DHX40: variants seen among roughly 807,000 people sequenced by gnomAD.
DHX40 encodes the protein DEAH-box helicase 40.
DHX40 carries 28 observed loss-of-function variants against 89.6 expected under a neutral mutation model. The ratio of observed to expected loss-of-function variants is 0.31; its 90% confidence interval spans 0.23 to 0.43. The LOEUF (loss-of-function observed/expected upper bound fraction) is 0.43. Among genes scored for constraint, DHX40 ranks in the 20% least tolerant of loss-of-function variants. The pLI, the probability that DHX40 is intolerant of heterozygous loss-of-function variation, is 1.00. For synonymous variants in DHX40, 226 were observed against 283.6 expected (o/e 0.80, Z 2.04); for missense variants, 457 against 844.0 (o/e 0.54, Z 5.68).
In DHX40 at chr17:59,587,983, C is replaced by T. The variant is rs2049023254; in HGVS notation, c.1512C>T (p.Ser504=). ...CATGTGCAGTAATAAAAGCTGCTTC[C>T]CTGGATTGTGAAGATCTACTACTTC... is the stretch of plus-strand genomic sequence containing the variant. ...HLTCAVIKAA[S]LDCEDLLLPI... is the part of the protein sequence containing the mutation. The change falls in exon 12 of 18, where the codon TCC becomes TCT. Residue 504 remains serine (S), a synonymous_variant. Transcript: ENST00000251241. 6.2e-7 allele frequency: 1 copy of T among 1,613,638 alleles called. No individual in the cohort carries two copies. Among genetic ancestry groups the T allele is most frequent in the Non-Finnish European group, 8.5e-7 (1 of 1,179,786 alleles).
At chr17:59,577,731 G>A (rs2048905153) in intron 8 of DHX40, among the ~76,000 whole-genome samples, 1 of 152,070 alleles carries the variant, frequency 6.6e-6, no homozygotes, top group Non-Finnish European at 1.5e-5. Flanking sequence ...GGGACCACAG[G>A]CATGTGTCAC....
intron 8 of DHX40, among the ~76,000 whole-genome samples, chr17:59,578,000 T>C (rs976409656): frequency 6.6e-6 from 1 of 152,218 alleles, no homozygotes; most frequent in African/African-American, 2.4e-5. Flanking sequence ...GAAAATTAAC[T>C]ATGATTCAGG....
chr17:59,572,439 C>T (rs1567862098), intron 3 of DHX40, among the ~76,000 whole-genome samples: 3 of 152,154 alleles, frequency 2.0e-5, no homozygotes, highest in Non-Finnish European at 4.4e-5. Context: ...AGTGCAATGG[C>T]GTGATCTCAG....
At chr17:59,567,242 TAAGTA>T (rs1437039323) in intron 2 of DHX40, among the ~76,000 whole-genome samples, 2 of 152,198 alleles carry the variant, frequency 1.3e-5, no homozygotes, top group Admixed American at 1.3e-4. Flanking sequence ...TAAAATACGT[TAAGTA>T]AAGTTAATAG....
At position 59,591,183 on chromosome 17, in the gene DHX40, G is replaced by C. The variant is rs1368289399; in HGVS notation, c.1582+3130G>C. On this transcript the variant is annotated intron_variant, in intron 12 of 17. Coordinates refer to ENST00000251241, the MANE Select transcript of DHX40 (RefSeq NM_024612.5). The stretch of plus-strand genomic sequence containing the variant: ...AATTAGCCAGGCGTGGCGTGCACCT[G>C]TGTTGCCAGCTACTGGGGAGGCTGA... Among the ~76,000 whole-genome samples the C allele has an allele frequency of 1.3e-5, 2 of 151,630 alleles. 1 individual carries two copies. Among genetic ancestry groups the C allele is most frequent in the Non-Finnish European group, 2.9e-5 (2 of 67,852 alleles).
chr17:59,602,470 T>G, intron 14 of DHX40, 52 bp from the exon 15 acceptor site: 1 of 1,440,052 alleles, frequency 6.9e-7, no homozygotes, highest in Non-Finnish European at 9.5e-7. Context: ...AATAAAAGAT[T>G]ATTTCAAATT....
chr17:59,605,875 G>A, intron 17 of DHX40: 1 of 636,124 alleles, frequency 1.6e-6, no homozygotes, highest in Non-Finnish European at 2.9e-6. Flanking sequence ...TGATGCAGGA[G>A]GATCGCTTGA....
At chr17:59,586,938 G>C in intron 11 of DHX40, among the ~76,000 whole-genome samples, 1 of 152,072 alleles carries the variant, frequency 6.6e-6, no homozygotes, top group East Asian at 1.9e-4. Flanking sequence ...CAGATTGCTT[G>C]AGCCCAGTTG....
At chr17:59,587,138 G>A (rs1158175109) in intron 11 of DHX40, among the ~76,000 whole-genome samples, 3 of 150,362 alleles carry the variant, frequency 2.0e-5, no homozygotes, top group East Asian at 1.9e-4. Context: ...CCTGGGAGAC[G>A]GAGCAAGACC....
At chr17:59,603,733 G>C (rs1394851259) in intron 15 of DHX40, 1 of 152,114 alleles carries the variant, frequency 6.6e-6, no homozygotes, top group Non-Finnish European at 1.5e-5. Context: ...AAAGCAAAAA[G>C]TAACTTTACA....
At chr17:59,569,532 AAAAAT>A (rs1175850308) in intron 2 of DHX40, among the ~76,000 whole-genome samples, 1 of 147,104 alleles carries the variant, frequency 6.8e-6, no homozygotes, top group Non-Finnish European at 1.5e-5. Flanking sequence ...TTTTTTACAA[AAAAAT>A]TAGCTGGGCC....
At chr17:59,602,118 C>T (rs2030567059) in intron 14 of DHX40, among the ~76,000 whole-genome samples, 1 of 152,126 alleles carries the variant, frequency 6.6e-6, no homozygotes, top group African/African-American at 2.4e-5. Flanking sequence ...TTGTGCACTT[C>T]TCTTCTCTCC....
chr17:59,586,347 G>A (rs2048996773), intron 11 of DHX40, 114 bp downstream of exon 11: 2 of 945,748 alleles, frequency 2.1e-6, no homozygotes, highest in Non-Finnish European at 1.6e-6. Context: ...TGAATGGATT[G>A]TTAGTCTTTC....
Position 59,565,666 on chromosome 17 carries a change from A to T in DHX40, c.-6A>T. Reference sequence around the variant, plus strand: ...GACGTGCTCGCCTCCACTCGGGGCCAGGTCTATGTCCCGGTTTCCCGCAGT... The same window carrying T: ...GACGTGCTCGCCTCCACTCGGGGCCTGGTCTATGTCCCGGTTTCCCGCAGT... On this transcript the variant is annotated 5_prime_UTR_variant, in exon 1 of 18. Transcript: ENST00000251241. 1 of 1,599,024 alleles carries T rather than the reference A, an allele frequency of 6.3e-7. No individual in the cohort carries two copies. The highest frequency in any genetic ancestry group is 8.5e-7 in the Non-Finnish European group (1 of 1,178,648).
intron 14 of DHX40, among the ~76,000 whole-genome samples, chr17:59,600,698 T>G (rs2030449069): frequency 6.6e-6 from 1 of 151,838 alleles, no homozygotes; most frequent in African/African-American, 2.4e-5. Flanking sequence ...ATTAAAATAA[T>G]TAGCTTGTTG....
In DHX40 at chr17:59,581,722, G is replaced by A. The variant is rs1473350346; in HGVS notation, c.1343+1843G>A. Among the ~76,000 whole-genome samples the A allele has an allele frequency of 1.6e-4, 13 of 78,948 alleles. 1 individual carries two copies. The highest frequency in any genetic ancestry group is 2.8e-4 in the Non-Finnish European group (13 of 46,544). The allele number at this position is 78,948 out of a possible 152,430, so 51.8% of individuals were successfully genotyped here. A position where few individuals can be genotyped will look rare whatever the true frequency, so the allele number is the denominator to read the frequency against. On this transcript the variant is annotated intron_variant, in intron 10 of 17. Transcript: ENST00000251241. ...TGCAGTGAGCCGAGATTGCGCCATC[G>A]CACTCCAGCCTGGGCAACAAGAGCG... is the stretch of plus-strand genomic sequence containing the variant.
At chr17:59,606,895 GA>G in intron 17 of DHX40, 137 bp from the exon 18 acceptor site, 3 of 876,254 alleles carry the variant, frequency 3.4e-6, no homozygotes, top group Non-Finnish European at 5.1e-6. Flanking sequence ...CATTGCTTTT[GA>G]AAGGGCAAAA....
Position 59,607,265 on chromosome 17 carries a change from G to A in DHX40, c.*93G>A, listed in dbSNP as rs2030926792. 1.2e-6 allele frequency: 2 copies of A among 1,612,630 alleles called. No homozygotes were observed. The highest frequency in any genetic ancestry group is 1.7e-5 in the Admixed American group (1 of 59,790). ...ATTTCAGACAGCACTACCAAGAGGAGGTGGTCAGCACTTGTTATTGGCCTA... is the reference window on the plus strand; with the variant it reads ...ATTTCAGACAGCACTACCAAGAGGAAGTGGTCAGCACTTGTTATTGGCCTA... On this transcript the variant is annotated 3_prime_UTR_variant, in exon 18 of 18. Transcript: ENST00000251241.
intron 10 of DHX40, among the ~76,000 whole-genome samples, chr17:59,580,822 C>CT (rs2048936700): frequency 6.6e-6 from 1 of 150,918 alleles, no homozygotes; most frequent in Non-Finnish European, 1.5e-5. Context: ...TGGCTCACGT[C>CT]TGTAATCCTA....
Sources: gnomAD v4.1 joint callset for allele counts (sites outside exome capture counted in the v4.1 genomes callset) on GRCh38, gnomAD v4.1.1 for gene constraint, MANE v1.5 for transcripts, NCBI Gene and HGNC (gene_info 2026-07-23, HGNC 2026-07-21) for gene names.